Variants in NRCAM observed in about 807,000 individuals in gnomAD.
The protein encoded by NRCAM is neuronal cell adhesion molecule, also known as NgCAM-related cell adhesion molecule.
In NRCAM, 83 loss-of-function variants were observed where a neutral mutation model predicts 156.5. The observed-to-expected ratio is 0.53, with a 90% CI of 0.44 to 0.64. NRCAM has a LOEUF of 0.64. Among genes scored for constraint, NRCAM ranks in the 30% least tolerant of loss-of-function variants. The pLI, the probability that NRCAM is intolerant of heterozygous loss-of-function variation, is 0.00. For synonymous variants in NRCAM, 538 were observed against 563.9 expected, an observed-to-expected ratio of 0.95 and a Z score of 0.65; for missense variants, 1,417 against 1,597.3, an observed-to-expected ratio of 0.89 and a Z score of 1.92.
At chr7:108,186,695 AC>A (rs1327512779) in intron 20 of NRCAM, among the ~76,000 whole-genome samples, 2 of 152,224 alleles carry the variant, frequency 1.3e-5, no homozygotes, top group Non-Finnish European at 2.9e-5. Context: ...CTAGGTTCAT[AC>A]ATCTTTATAT....
chr7:108,344,233 C>T (rs2099327271), intron 2 of NRCAM, among the ~76,000 whole-genome samples: 1 of 152,222 alleles, frequency 6.6e-6, no homozygotes, highest in African/African-American at 2.4e-5. Flanking sequence ...GGGAAGGTGA[C>T]TGCAACCACC....
Position 108,232,314 on chromosome 7 carries a change from G to A in NRCAM, c.427+12C>T, listed in dbSNP as rs2094437901. On this transcript the variant is annotated intron_variant, in intron 7 of 32. Coordinates refer to ENST00000379028, the MANE Select transcript of NRCAM (RefSeq NM_001037132.4). Reference sequence around the variant, plus strand: ...TAAAAAGGGTCATGTTGGTTGACAAGTTTCCACTTACTGGATGGGCGGACA... The same window carrying A: ...TAAAAAGGGTCATGTTGGTTGACAAATTTCCACTTACTGGATGGGCGGACA... The A allele has an allele frequency of 6.3e-7, 1 of 1,584,568 alleles. No homozygotes were observed. The highest frequency in any genetic ancestry group is 1.2e-5 in the South Asian group (1 of 86,468).
chr7:108,436,121 G>A (rs933076427), intron 1 of NRCAM, among the ~76,000 whole-genome samples: 22 of 152,202 alleles, frequency 1.4e-4, no homozygotes, highest in Admixed American at 6.5e-5. Flanking sequence ...GCGACAGAGT[G>A]AGACTCCGTC....
At chr7:108,215,436 C>G (rs776048932) in intron 11 of NRCAM, among the ~76,000 whole-genome samples, 2 of 151,586 alleles carry the variant, frequency 1.3e-5, no homozygotes, top group African/African-American at 4.9e-5. Flanking sequence ...AGGATGGTCT[C>G]GATCTCCTGA....
chr7:108,450,358 G>A (rs756640835), intron 1 of NRCAM, among the ~76,000 whole-genome samples: 1 of 149,854 alleles, frequency 6.7e-6, no homozygotes. Flanking sequence ...TTCCAATCTT[G>A]TAGGCCAGTA....
intron 4 of NRCAM, 76 bp downstream of exon 4, chr7:108,239,883 A>G: frequency 4.6e-6 from 4 of 876,844 alleles, no homozygotes; most frequent in Non-Finnish European, 7.4e-6. Flanking sequence ...TTCTCCATTC[A>G]CGCAGTTCAG....
chr7:108,155,813 A>G (rs954128841), intron 32 of NRCAM, among the ~76,000 whole-genome samples: 1 of 152,166 alleles, frequency 6.6e-6, no homozygotes, highest in East Asian at 1.9e-4. Context: ...AAATTCTAAC[A>G]TAAAACATTT....
chr7:108,274,677 A>T (rs1321129655), intron 3 of NRCAM, among the ~76,000 whole-genome samples: 4 of 152,206 alleles, frequency 2.6e-5, no homozygotes, highest in Non-Finnish European at 5.9e-5. Flanking sequence ...CAGTCACGTC[A>T]TCTGCAAACA....
intron 11 of NRCAM, among the ~76,000 whole-genome samples, chr7:108,215,339 A>G (rs2087550831): frequency 6.6e-6 from 1 of 151,278 alleles, no homozygotes; most frequent in Non-Finnish European, 1.5e-5. Context: ...CAGCCTCCCA[A>G]GTAGCTGGGA....
At chr7:108,255,960 G>T (rs562863110) in intron 3 of NRCAM, among the ~76,000 whole-genome samples, 5 of 129,334 alleles carry the variant, frequency 3.9e-5, no homozygotes, top group African/African-American at 1.6e-4. Context: ...GGAGGGAGGT[G>T]GGGGGCAGCC....
chr7:108,260,071 T>C (rs902550500), intron 3 of NRCAM, among the ~76,000 whole-genome samples: 86 of 100,678 alleles, frequency 8.5e-4, no homozygotes, highest in African/African-American at 2.9e-3. Flanking sequence ...ACAATTTCCA[T>C]GAGGAAGAGT....
At chr7:108,299,160 A>AG (rs2098538569) in intron 3 of NRCAM, among the ~76,000 whole-genome samples, 2 of 146,662 alleles carry the variant, frequency 1.4e-5, no homozygotes, top group Admixed American at 6.8e-5. Context: ...AAAAAAAAAA[A>AG]AAACCCAAAA....
chr7:108,198,296 T>C (rs532383538), intron 13 of NRCAM, among the ~76,000 whole-genome samples, 197 bp from the exon 14 acceptor site: 17 of 152,344 alleles, frequency 1.1e-4, no homozygotes, highest in African/African-American at 4.1e-4. Flanking sequence ...GTGCTCAATA[T>C]TCATTTAGTC....
At chr7:108,150,461 AAAG>A (rs1242579212) in intron 32 of NRCAM, among the ~76,000 whole-genome samples, 2 of 152,302 alleles carry the variant, frequency 1.3e-5, no homozygotes, top group African/African-American at 4.8e-5. Flanking sequence ...AGAATTCAGA[AAAG>A]TAGAAAAATC....
chr7:108,405,309 C>T (rs576277743), intron 1 of NRCAM, among the ~76,000 whole-genome samples: 1 of 152,350 alleles, frequency 6.6e-6, no homozygotes, highest in South Asian at 2.1e-4. Context: ...ATTCACGCCT[C>T]AGTGCGGCTT....
At chr7:108,311,401 G>T (rs2300019) in intron 3 of NRCAM, among the ~76,000 whole-genome samples, 70 of 151,876 alleles carry the variant, frequency 4.6e-4, no homozygotes, top group African/African-American at 1.6e-3. Context: ...TAGAGGAGAG[G>T]GGTACATAAA....
chr7:108,357,372 C>G (rs2099512157), intron 2 of NRCAM, among the ~76,000 whole-genome samples: 1 of 144,846 alleles, frequency 6.9e-6, no homozygotes, highest in Non-Finnish European at 1.5e-5. Context: ...TCGCTCTTGT[C>G]CCCCAGGCTG....
chr7:108,243,378 C>A (rs2095668687), intron 3 of NRCAM: 3 of 152,226 alleles, frequency 2.0e-5, no homozygotes, highest in African/African-American at 7.2e-5. Context: ...GAGTAATGTA[C>A]TCTGCACACT....
At chr7:108,355,001 A>C (rs1217932821) in intron 2 of NRCAM, among the ~76,000 whole-genome samples, 1 of 152,238 alleles carries the variant, frequency 6.6e-6, no homozygotes, top group Non-Finnish European at 1.5e-5. Flanking sequence ...ATAATGAAAG[A>C]TGCGCAAACC....
Sources: gnomAD v4.1 joint callset for allele counts (sites outside exome capture counted in the v4.1 genomes callset) on GRCh38, gnomAD v4.1.1 for gene constraint, MANE v1.5 for transcripts, NCBI Gene and HGNC (gene_info 2026-07-23, HGNC 2026-07-21) for gene names.